The following SEC16B variants were observed in gnomAD, a reference collection of about 807,000 sequenced individuals.
SEC16B encodes the protein SEC16 homolog B, endoplasmic reticulum export factor, also known as protein transport protein Sec16B.
SEC16B carries 115 observed loss-of-function variants against 141.8 expected under a neutral mutation model. That is an observed-to-expected ratio of 0.81 (90% CI 0.70 to 0.95). The LOEUF (loss-of-function observed/expected upper bound fraction) is 0.95, where lower values mean the gene tolerates loss of function less well. Among genes scored for constraint, SEC16B ranks in the 40% least tolerant of loss-of-function variants. The pLI, the probability that SEC16B is intolerant of heterozygous loss-of-function variation, is 0.00. For synonymous variants in SEC16B, 493 were observed against 492.5 expected (o/e 1.00, Z -0.01); for missense variants, 1,291 against 1,312.3 (o/e 0.98, Z 0.25).
intron 11 of SEC16B, 65 bp from the exon 12 acceptor site, chr1:177,952,060 G>T (rs879687878): frequency 5.6e-5 from 75 of 1,334,874 alleles, no homozygotes; most frequent in Non-Finnish European, 7.5e-5. Context: ...TTGCCCACAA[G>T]GCTCAGGGCC....
chr1:177,956,987 T>C (rs1484261233), intron 10 of SEC16B, among the ~76,000 whole-genome samples: 1 of 152,102 alleles, frequency 6.6e-6, no homozygotes, highest in African/African-American at 2.4e-5. Flanking sequence ...TAATGATGGG[T>C]TTATTGGGAT....
intron 12 of SEC16B, among the ~76,000 whole-genome samples, chr1:177,951,497 A>G (rs1341350386): frequency 6.6e-6 from 1 of 152,202 alleles, no homozygotes; most frequent in East Asian, 1.9e-4. Flanking sequence ...ACATTCCTCC[A>G]GAGAAAAGAA....
chr1:177,951,909 G>A lies in SEC16B; in HGVS notation c.1545+5C>T. ...GGTGATAAAGGAATCCTGTCATAGG[G>A]GTACCGTGGCTGCCTGTGGAATCCT... On this transcript the variant is annotated splice_donor_5th_base_variant and intron_variant, in intron 12 of 25. Transcript: ENST00000308284. 1 of 1,597,140 alleles carries A rather than the reference G, an allele frequency of 6.3e-7. No homozygotes were observed. Among genetic ancestry groups the A allele is most frequent in the Non-Finnish European group, 8.5e-7 (1 of 1,172,122 alleles).
At chr1:177,978,732 TAAATAAATA>T (rs1654281062) in intron 1 of SEC16B, among the ~76,000 whole-genome samples, 1 of 145,490 alleles carries the variant, frequency 6.9e-6, no homozygotes, top group African/African-American at 2.5e-5. Flanking sequence ...AATAAATAAA[TAAATAAATA>T]AATAGCATAG....
chr1:177,954,538 A>G (rs1652450330), intron 10 of SEC16B, among the ~76,000 whole-genome samples, 162 bp from the exon 11 acceptor site: 1 of 152,232 alleles, frequency 6.6e-6, no homozygotes, highest in Non-Finnish European at 1.5e-5. Context: ...GACTGTAGCT[A>G]GCACAGTATT....
At position 177,941,987 on chromosome 1, in the gene SEC16B, C is replaced by T; in HGVS notation, c.1935G>A (p.Gln645=). The T allele has an allele frequency of 6.2e-7, 1 of 1,614,016 alleles. No individual in the cohort carries two copies. Among genetic ancestry groups the T allele is most frequent in the Non-Finnish European group, 8.5e-7 (1 of 1,179,888 alleles). Reference sequence around the variant, plus strand: ...CAATGGCTTCGCAGTAATGCAAAGCCTGGGACACGAGGCCATAATCTGCCA... The same window carrying T: ...CAATGGCTTCGCAGTAATGCAAAGCTTGGGACACGAGGCCATAATCTGCCA... ...SRLADYGLVS[Q]ALHYCEAIGA... is the part of the protein sequence containing the mutation. The change falls in exon 16 of 26, where the codon CAG becomes CAA. Residue 645 remains glutamine, a synonymous_variant. Transcript: ENST00000308284.
At position 177,929,779 on chromosome 1, in the gene SEC16B, G is replaced by A. The variant is rs1650274732; in HGVS notation, c.*79C>T. Reference sequence around the variant, plus strand: ...ACCTCTTGAGGGTCCCAATATGGTAGAGAGGGGCTGGGAGATTGAGAAAAA... The same window carrying A: ...ACCTCTTGAGGGTCCCAATATGGTAAAGAGGGGCTGGGAGATTGAGAAAAA... On this transcript the variant is annotated 3_prime_UTR_variant, in exon 26 of 26. Transcript: ENST00000308284. 3 of 1,505,578 alleles carry A rather than the reference G, an allele frequency of 2.0e-6. No individual in the cohort carries two copies. Among genetic ancestry groups the A allele is most frequent in the South Asian group, 2.4e-5 (2 of 84,668 alleles). 93.3% of individuals were successfully genotyped at this position (1,505,578 alleles called of 1,614,324 possible).
At chr1:177,930,473 A>T (rs1650331140) in intron 25 of SEC16B, 72 bp downstream of exon 25, 1 of 956,126 alleles carries the variant, frequency 1.0e-6, no homozygotes, top group South Asian at 1.5e-5. Context: ...GTAAACTGGG[A>T]TGATAAACCT....
In SEC16B at chr1:177,937,410, C is replaced by T; in HGVS notation, c.2307G>A (p.Gln769=). The change falls in exon 19 of 26, where the codon CAG becomes CAA. Residue 769 remains glutamine (Q), a synonymous_variant. Coordinates refer to ENST00000308284, the MANE Select transcript of SEC16B (RefSeq NM_033127.4). ...WLTPEQTCLL[Q]PSPQQPFPLQ... ...GGGGAAAGGGCTGCTGTGGGCTGGG[C>T]TGGAGCAGGCAGGTCTGCTCAGGTG... is the stretch of plus-strand genomic sequence containing the variant. 6.8e-6 allele frequency: 11 copies of T among 1,610,240 alleles called. No homozygotes were observed. The highest frequency in any genetic ancestry group is 9.3e-6 in the Non-Finnish European group (11 of 1,178,418).
At chr1:177,959,186 C>G (rs1484781159) in intron 8 of SEC16B, 4 of 586,202 alleles carry the variant, frequency 6.8e-6, no homozygotes, top group Non-Finnish European at 1.2e-5. Flanking sequence ...TCATGCACCC[C>G]CTTTATAGAT....
intron 12 of SEC16B, 142 bp downstream of exon 12, chr1:177,951,772 G>A (rs1412565684): frequency 5.8e-6 from 4 of 690,470 alleles, no homozygotes; most frequent in East Asian, 5.4e-5. Context: ...CTTAGCACAG[G>A]GCCTGGCACA....
chr1:177,947,738 G>T, intron 13 of SEC16B, 87 bp downstream of exon 13: 1 of 679,462 alleles, frequency 1.5e-6, no homozygotes, highest in South Asian at 1.7e-5. Context: ...GAGAGGGACG[G>T]GGAGGGGAGG....
At chr1:177,980,501 G>A (rs1654362286) in intron 1 of SEC16B, among the ~76,000 whole-genome samples, 2 of 152,090 alleles carry the variant, frequency 1.3e-5, no homozygotes, top group Admixed American at 6.6e-5. Context: ...AGAAACAGGT[G>A]GGAACCCAGG....
intron 14 of SEC16B, 116 bp from the exon 15 acceptor site, chr1:177,944,782 C>G: frequency 2.6e-6 from 2 of 783,144 alleles, no homozygotes; most frequent in Non-Finnish European, 4.1e-6. Context: ...CCATCCTGGG[C>G]TGATGCCTGC....
chr1:177,943,928 G>A (rs1350909787), intron 15 of SEC16B, among the ~76,000 whole-genome samples: 5 of 152,334 alleles, frequency 3.3e-5, no homozygotes, highest in African/African-American at 1.2e-4. Flanking sequence ...GGATGGTGCT[G>A]GACGTCAGAG....
Position 177,933,463 on chromosome 1 carries a change from GAGA to G in SEC16B, c.2724+18_2724+20del. 6.2e-7 allele frequency: 1 copy of G among 1,608,682 alleles called. No individual in the cohort carries two copies. The highest frequency in any genetic ancestry group is 8.5e-7 in the Non-Finnish European group (1 of 1,177,272). On this transcript the variant is annotated intron_variant, in intron 21 of 25. Coordinates refer to ENST00000308284, the MANE Select transcript of SEC16B (RefSeq NM_033127.4). ...ATGGCAGGGGAAGGAAGGCAGGGGA[GAGA>G]AGAACAAGTCCCTCCACCTTTGTAT...
intron 10 of SEC16B, among the ~76,000 whole-genome samples, chr1:177,956,963 T>C (rs1003413631): frequency 3.9e-5 from 6 of 152,180 alleles, no homozygotes; most frequent in African/African-American, 9.6e-5. Context: ...TTTTAACTTA[T>C]GATATTTTCT....
At chr1:177,938,199 G>A (rs1035210185) in intron 18 of SEC16B, among the ~76,000 whole-genome samples, 2 of 152,188 alleles carry the variant, frequency 1.3e-5, no homozygotes, top group African/African-American at 4.8e-5. Flanking sequence ...GATTGGACAA[G>A]ACTGATATCA....
Position 177,958,532 on chromosome 1 carries a change from A to G in SEC16B, c.1135-170T>C, listed in dbSNP as rs1341752284. On this transcript the variant is annotated intron_variant, in intron 9 of 25. Transcript: ENST00000308284. Reference sequence around the variant, plus strand: ...CTATATTTCAGACTTCAGCATCACTATCATGGTTATTTTCTGCCTGTCAGG... The same window carrying G: ...CTATATTTCAGACTTCAGCATCACTGTCATGGTTATTTTCTGCCTGTCAGG... The G allele has an allele frequency of 8.2e-6, 5 of 609,768 alleles. No individual in the cohort carries two copies. The South Asian group carries it at 1.2e-4, about 15-fold the overall frequency. The allele number at this position is 609,768 out of a possible 1,614,324, so 37.8% of individuals were successfully genotyped here. A position where few individuals can be genotyped will look rare whatever the true frequency, so the allele number is the denominator to read the frequency against.
Sources: gnomAD v4.1 joint callset for allele counts (sites outside exome capture counted in the v4.1 genomes callset) on GRCh38, gnomAD v4.1.1 for gene constraint, MANE v1.5 for transcripts, NCBI Gene and HGNC (gene_info 2026-07-23, HGNC 2026-07-21) for gene names.